The following S100PBP variants were observed in gnomAD, a reference collection of about 807,000 sequenced individuals.
The protein encoded by S100PBP is S100P binding protein, also known as S100P-binding protein.
A neutral mutation model predicts 39.9 loss-of-function variants in S100PBP; 15 were observed. That is an observed-to-expected ratio of 0.38 (90% CI 0.25 to 0.58). S100PBP has a LOEUF of 0.58. Among genes scored for constraint, S100PBP ranks in the 20% least tolerant of loss-of-function variants. The probability of loss-of-function intolerance (pLI) is 0.70; values close to 1 mark genes in which losing one functional copy is unlikely to be tolerated. For missense variants in S100PBP, 504 were observed against 487.3 expected (o/e 1.03, Z -0.32); for synonymous variants, 178 against 180.3 (o/e 0.99, Z 0.10).
intron 5 of S100PBP, among the ~76,000 whole-genome samples, chr1:32,838,767 CA>C (rs1639959694): frequency 6.6e-6 from 1 of 151,536 alleles, no homozygotes; most frequent in East Asian, 1.9e-4. Context: ...CGCTGGAACC[CA>C]GGAGGCAGAG....
chr1:32,827,936 T>C (rs1333519079), intron 3 of S100PBP, 57 bp from the exon 4 acceptor site: 2 of 1,204,572 alleles, frequency 1.7e-6, no homozygotes, highest in African/African-American at 1.5e-5. Flanking sequence ...GTGTTTTCAG[T>C]GCTTTTCTTA....
chr1:32,841,804 A>G (rs1569909182), intron 5 of S100PBP, among the ~76,000 whole-genome samples: 1 of 152,108 alleles, frequency 6.6e-6, no homozygotes, highest in East Asian at 1.9e-4. Context: ...CTTAAAAGAA[A>G]AGGCCACAAA....
intron 5 of S100PBP, chr1:32,847,849 C>T (rs1465055439): frequency 6.6e-6 from 1 of 152,090 alleles, no homozygotes; most frequent in Admixed American, 6.6e-5. Flanking sequence ...TCTTCATTCC[C>T]TCCCTGGTAT....
chr1:32,830,742 A>G (rs1338619668), intron 5 of S100PBP, among the ~76,000 whole-genome samples: 1 of 152,176 alleles, frequency 6.6e-6, no homozygotes, highest in East Asian at 1.9e-4. Context: ...TAAAAGAATC[A>G]CTTATTAAAA....
At chr1:32,832,731 C>T (rs1639655542) in intron 5 of S100PBP, among the ~76,000 whole-genome samples, 1 of 152,126 alleles carries the variant, frequency 6.6e-6, no homozygotes, top group East Asian at 1.9e-4. Flanking sequence ...GTCCTCCTTC[C>T]TTTTGAGATG....
chr1:32,846,302 T>C (rs926415463), intron 5 of S100PBP, among the ~76,000 whole-genome samples: 2 of 151,798 alleles, frequency 1.3e-5, no homozygotes, highest in South Asian at 2.1e-4. Flanking sequence ...TTAATTTACT[T>C]TTATGTTTAA....
chr1:32,830,080 CCAGAGAAAGGCATATAAAA>C lies in S100PBP; in HGVS notation c.1024+16_1024+34del. ...GACACTAACCAAGGTAACATGGTAC[CCAGAGAAAGGCATATAAAA>C]CATGTGATGTGACTTTCTCTTTCCG... On this transcript the variant is annotated intron_variant, in intron 5 of 6. Coordinates refer to ENST00000373475, the MANE Select transcript of S100PBP (RefSeq NM_022753.4). The C allele has an allele frequency of 1.3e-6, 2 of 1,490,100 alleles. No homozygotes were observed. Among genetic ancestry groups the C allele is most frequent in the Non-Finnish European group, 1.9e-6 (2 of 1,068,280 alleles). 92.3% of individuals were successfully genotyped at this position (1,490,100 alleles called of 1,614,324 possible).
intron 4 of S100PBP, 65 bp downstream of exon 4, chr1:32,828,146 C>T (rs1569855225): frequency 1.7e-6 from 2 of 1,169,276 alleles, no homozygotes; most frequent in East Asian, 5.0e-5. Context: ...TTCTTCCCCT[C>T]TCCAGTTTCC....
intron 3 of S100PBP, 140 bp from the exon 4 acceptor site, chr1:32,827,853 G>A: frequency 2.9e-6 from 1 of 343,186 alleles, no homozygotes; most frequent in East Asian, 5.4e-5. Context: ...AAGCACTACT[G>A]TTATACGTGG....
chr1:32,836,580 AT>A (rs1639828844), intron 5 of S100PBP: 19 of 982,428 alleles, frequency 1.9e-5, no homozygotes, highest in Non-Finnish European at 2.3e-5. Flanking sequence ...TGAATTGTTT[AT>A]TTTTGTAGAG....
intron 1 of S100PBP, among the ~76,000 whole-genome samples, chr1:32,819,947 A>G (rs1286076970): frequency 6.6e-6 from 1 of 152,170 alleles, no homozygotes; most frequent in Non-Finnish European, 1.5e-5. Flanking sequence ...CAGTACCTCT[A>G]TAAAGGATAG....
At chr1:32,841,404 A>G (rs536680752) in intron 5 of S100PBP, among the ~76,000 whole-genome samples, 71 of 151,914 alleles carry the variant, frequency 4.7e-4, no homozygotes, top group African/African-American at 1.6e-3. Flanking sequence ...GTCACTGGTT[A>G]TAGTAGATGA....
chr1:32,856,043 T>G lies in S100PBP; in HGVS notation c.*5T>G. The G allele has an allele frequency of 6.3e-7, 1 of 1,592,666 alleles. No individual in the cohort carries two copies. The highest frequency in any genetic ancestry group is 1.3e-5 in the African/African-American group (1 of 74,608). ...CCAGACTTCTCGTACAGTTAATTTG[T>G]GTCATCCCATCAGCAATGAAGGTCC... On this transcript the variant is annotated 3_prime_UTR_variant, in exon 7 of 7. Transcript: ENST00000373475.
At chr1:32,838,349 A>C (rs527461905) in intron 5 of S100PBP, among the ~76,000 whole-genome samples, 1 of 151,102 alleles carries the variant, frequency 6.6e-6, no homozygotes, top group Non-Finnish European at 1.5e-5. Context: ...AAAAAAAAAA[A>C]AAAAGAAAAG....
At chr1:32,822,272 T>C (rs1294709361) in intron 1 of S100PBP, among the ~76,000 whole-genome samples, 1 of 152,196 alleles carries the variant, frequency 6.6e-6, no homozygotes, top group Non-Finnish European at 1.5e-5. Context: ...TATACTATTA[T>C]GTTACTTATG....
At chr1:32,844,780 T>C (rs1337959745) in intron 5 of S100PBP, among the ~76,000 whole-genome samples, 5 of 151,944 alleles carry the variant, frequency 3.3e-5, no homozygotes, top group Non-Finnish European at 7.4e-5. Flanking sequence ...GATAGAGATA[T>C]ATATCTCTGT....
At chr1:32,841,729 CAAAAAAAAA>C (rs56267418) in intron 5 of S100PBP, among the ~76,000 whole-genome samples, 1 of 55,168 alleles carries the variant, frequency 1.8e-5, no homozygotes, top group East Asian at 6.5e-4. Flanking sequence ...AACTCTGTCT[CAAAAAAAAA>C]AAAAAAAAAA....
rs769923225 is a variant in S100PBP at position 32,855,990 on chromosome 1, G to A, written c.1179G>A (p.Met393Ile). Residue 393 changes from methionine to isoleucine, a missense_variant, in exon 7 of 7, where the codon ATG becomes ATA. Transcript: ENST00000373475. ...TGACTCAGTGGGTTGACAGGAACATGCGAAGCCACCATCGGTTCCAGCGTC... is the reference window on the plus strand; with the variant it reads ...TGACTCAGTGGGTTGACAGGAACATACGAAGCCACCATCGGTTCCAGCGTC... The part of the protein sequence containing the change: ...YSLTQWVDRN[M>I]RSHHRFQRLP... 7 of 1,613,640 alleles carry A rather than the reference G, an allele frequency of 4.3e-6. No homozygotes were observed. In the Admixed American group the frequency reaches 1.0e-4, roughly 23 times the overall value.
At chr1:32,838,451 A>G (rs755156672) in intron 5 of S100PBP, among the ~76,000 whole-genome samples, 6 of 152,214 alleles carry the variant, frequency 3.9e-5, no homozygotes, top group Non-Finnish European at 5.9e-5. Flanking sequence ...AGCCTTACCA[A>G]CAATTGGGTA....
Sources: allele counts gnomAD v4.1 joint callset (sites outside exome capture counted in the v4.1 genomes callset), GRCh38; gene constraint gnomAD v4.1.1; transcripts MANE v1.5; gene names NCBI Gene and HGNC (gene_info 2026-07-23, HGNC 2026-07-21).